The following SESTD1 variants were observed in gnomAD, a reference collection of about 807,000 sequenced individuals.
SESTD1 encodes SEC14 and spectrin domain containing 1.
SESTD1 carries 43 observed loss-of-function variants against 101.7 expected under a neutral mutation model. The ratio of observed to expected loss-of-function variants is 0.42; its 90% CI spans 0.33 to 0.55. The LOEUF is 0.55. Among genes scored for constraint, SESTD1 ranks in the 20% least tolerant of loss-of-function variants. SESTD1 has a pLI of 0.07. For synonymous variants in SESTD1, 283 were observed against 286.8 expected, an observed-to-expected ratio of 0.99 and a Z score of 0.13; for missense variants, 647 against 815.1, an observed-to-expected ratio of 0.79 and a Z score of 2.51.
At chr2:179,192,788 T>C (rs2046337010) in intron 1 of SESTD1, among the ~76,000 whole-genome samples, 1 of 152,242 alleles carries the variant, frequency 6.6e-6, no homozygotes, top group Admixed American at 6.5e-5. Flanking sequence ...ATGAACAAAA[T>C]CAGATTCAAT....
intron 1 of SESTD1, among the ~76,000 whole-genome samples, chr2:179,263,469 T>A (rs1035130983): frequency 6.6e-6 from 1 of 152,132 alleles, no homozygotes; most frequent in Non-Finnish European, 1.5e-5. Context: ...TAGGTATGTA[T>A]AAGGATTAGG....
intron 1 of SESTD1, among the ~76,000 whole-genome samples, chr2:179,227,554 G>T (rs2046906823): frequency 6.6e-6 from 1 of 152,118 alleles, no homozygotes; most frequent in Non-Finnish European, 1.5e-5. Flanking sequence ...TGAACAAATA[G>T]TATTTTTTGA....
intron 1 of SESTD1, among the ~76,000 whole-genome samples, chr2:179,249,621 T>A (rs532496482): frequency 7.9e-5 from 12 of 152,274 alleles, no homozygotes; most frequent in African/African-American, 2.9e-4. Context: ...ATTCCTAGCA[T>A]AATTCTATCA....
Position 179,132,371 on chromosome 2 carries a change from A to G in SESTD1, c.905T>C (p.Ile302Thr). Residue 302 changes from isoleucine (I) to threonine (T), a missense_variant, in exon 10 of 18, where the codon ATT becomes ACT. Transcript: ENST00000428443. ...CTGGGAGGCCCTAATGGAGTCTCCA[A>G]TGCCCCACTGGGCTCTTAGTTGTTC... ...GSEQLRAQWG[I>T]GDSIRASQAL... 6.4e-7 allele frequency: 1 copy of G among 1,572,990 alleles called. No homozygotes were observed. The highest frequency in any genetic ancestry group is 8.6e-7 in the Non-Finnish European group (1 of 1,167,428).
In SESTD1 at chr2:179,201,784, TAGGGGGG is replaced by T. The variant is rs1481998393; in HGVS notation, c.-25-9925_-25-9919del. ...TCTGGGGACTGTTGTGGGGTGGGGG[TAGGGGGG>T]AGGGATAGCATTGGGCAACATACCT... is the stretch of plus-strand genomic sequence containing the variant. On this transcript the variant is annotated intron_variant, in intron 1 of 17. Coordinates refer to ENST00000428443, the MANE Select transcript of SESTD1 (RefSeq NM_178123.5). 2.6e-5 allele frequency among the ~76,000 whole-genome samples: 3 copies of T among 113,840 alleles called. 1 individual carries two copies. The highest frequency in any genetic ancestry group is 3.7e-5 in the African/African-American group (1 of 27,020). The allele number at this position is 113,840 out of a possible 152,430, so 74.7% of individuals were successfully genotyped here. A position where few individuals can be genotyped will look rare whatever the true frequency, so the allele number is the denominator to read the frequency against.
chr2:179,209,669 T>C (rs2046627367), intron 1 of SESTD1, among the ~76,000 whole-genome samples: 1 of 133,870 alleles, frequency 7.5e-6, no homozygotes, highest in Non-Finnish European at 1.6e-5. Context: ...TGAACAATAA[T>C]AGCGACACAA....
intron 1 of SESTD1, among the ~76,000 whole-genome samples, chr2:179,261,496 C>T (rs889905130): frequency 4.6e-5 from 7 of 152,116 alleles, no homozygotes; most frequent in African/African-American, 1.7e-4. Context: ...ACCTACCTTA[C>T]AGCATCATTT....
intron 1 of SESTD1, among the ~76,000 whole-genome samples, chr2:179,234,312 T>TTAAATAAA (rs546414645): frequency 6.6e-6 from 1 of 152,096 alleles, no homozygotes; most frequent in Non-Finnish European, 1.5e-5. Flanking sequence ...GCAAATCCCT[T>TTAAATAAA]TAAATAAATA....
chr2:179,158,446 T>C (rs1376727415), intron 5 of SESTD1, among the ~76,000 whole-genome samples: 1 of 152,180 alleles, frequency 6.6e-6, no homozygotes, highest in African/African-American at 2.4e-5. Context: ...ACACGGAAAT[T>C]TTCCAGTTAA....
At chr2:179,261,469 C>A (rs79024388) in intron 1 of SESTD1, among the ~76,000 whole-genome samples, 1,621 of 151,986 alleles carry the variant, frequency 0.011, 26 homozygotes, top group African/African-American at 0.038. Flanking sequence ...AGTTTCCTGG[C>A]AGTAAAATAG....
intron 2 of SESTD1, among the ~76,000 whole-genome samples, chr2:179,191,409 C>T (rs537014028): frequency 2.0e-5 from 3 of 152,046 alleles, no homozygotes; most frequent in South Asian, 4.1e-4. Flanking sequence ...ATGGGAGCAA[C>T]AGACACTGGA....
intron 1 of SESTD1, among the ~76,000 whole-genome samples, chr2:179,229,521 C>T (rs1243923268): frequency 6.6e-6 from 1 of 151,856 alleles, no homozygotes; most frequent in Non-Finnish European, 1.5e-5. Context: ...AAAAAAATCT[C>T]GTTCTAGATA....
rs543345669 is a variant in SESTD1 at position 179,185,755 on chromosome 2, T to A, written c.56-2567A>T. On this transcript the variant is annotated intron_variant, in intron 2 of 17. Transcript: ENST00000428443. ...ATATAATATAATATAGTATATTATA[T>A]ACAATATATAATATAGCATATACAA... 7.7e-3 allele frequency among the ~76,000 whole-genome samples: 980 copies of A among 127,846 alleles called. 10 individuals carry two copies. The highest frequency in any genetic ancestry group is 0.011 in the Non-Finnish European group (748 of 65,194). The allele number at this position is 127,846 out of a possible 152,430, so 83.9% of individuals were successfully genotyped here. A position where few individuals can be genotyped will look rare whatever the true frequency, so the allele number is the denominator to read the frequency against.
At chr2:179,156,120 A>ATATATG (rs1553519684) in intron 5 of SESTD1, among the ~76,000 whole-genome samples, 1 of 151,416 alleles carries the variant, frequency 6.6e-6, no homozygotes, top group African/African-American at 2.4e-5. Flanking sequence ...ATATATATAT[A>ATATATG]TGTGTGTATA....
chr2:179,142,411 G>T (rs571967165), intron 9 of SESTD1, among the ~76,000 whole-genome samples: 4 of 152,254 alleles, frequency 2.6e-5, no homozygotes, highest in African/African-American at 9.6e-5. Context: ...ATTAAGCAAA[G>T]AAGGCAGAGA....
chr2:179,152,686 A>G (rs2045553837), intron 5 of SESTD1, among the ~76,000 whole-genome samples: 2 of 152,202 alleles, frequency 1.3e-5, no homozygotes, highest in Non-Finnish European at 2.9e-5. Context: ...TTTCATCCTC[A>G]GGAAGACACC....
Position 179,146,471 on chromosome 2 carries a change from A to C in SESTD1, c.582-14T>G. The stretch of plus-strand genomic sequence containing the variant: ...AAATCCACAGACCTGGAAAACACCA[A>C]AGGAGTAATTTTCAAAAGGCATATT... On this transcript the variant is annotated splice_polypyrimidine_tract_variant and intron_variant, in intron 7 of 17. Coordinates refer to ENST00000428443, the MANE Select transcript of SESTD1 (RefSeq NM_178123.5). 6.2e-7 allele frequency: 1 copy of C among 1,607,192 alleles called. No homozygotes were observed. The highest frequency in any genetic ancestry group is 1.1e-5 in the South Asian group (1 of 89,450).
At chr2:179,243,927 T>A (rs141511469) in intron 1 of SESTD1, among the ~76,000 whole-genome samples, 12 of 137,332 alleles carry the variant, frequency 8.7e-5, no homozygotes, top group African/African-American at 1.5e-4. Context: ...TTATTAAAAA[T>A]ATATATATAT....
intron 10 of SESTD1, among the ~76,000 whole-genome samples, chr2:179,131,303 T>G (rs1348293737): frequency 6.6e-6 from 1 of 152,154 alleles, no homozygotes. Flanking sequence ...AAGATGAGAT[T>G]TACTCATTCA....
Sources: gnomAD v4.1 joint callset for allele counts (sites outside exome capture counted in the v4.1 genomes callset) on GRCh38, gnomAD v4.1.1 for gene constraint, MANE v1.5 for transcripts, NCBI Gene and HGNC (gene_info 2026-07-23, HGNC 2026-07-21) for gene names.